POU6F2: variants seen among roughly 807,000 people sequenced by gnomAD.
POU6F2 encodes POU domain, class 6, transcription factor 2.
Under a neutral mutation model 71.3 loss-of-function variants are expected in POU6F2, and 31 were observed. The observed-to-expected ratio is 0.43, with a 90% confidence interval of 0.33 to 0.59. The LOEUF is 0.59. POU6F2 is among the 20% of genes least tolerant of loss of function. The probability of loss-of-function intolerance (pLI) is 0.04; values close to 1 mark genes in which losing one functional copy is unlikely to be tolerated. For synonymous variants in POU6F2, 347 were observed against 355.7 expected (o/e 0.98, Z 0.27); for missense variants, 783 against 856.8 (o/e 0.91, Z 1.07).
chr7:39,455,406 G>T (rs532763505), intron 8 of POU6F2, among the ~76,000 whole-genome samples: 76 of 152,198 alleles, frequency 5.0e-4, no homozygotes, highest in Non-Finnish European at 9.3e-4. Flanking sequence ...ATCCCAAAGA[G>T]GTCACCATAT....
intron 7 of POU6F2, among the ~76,000 whole-genome samples, 169 bp from the exon 8 acceptor site, chr7:39,451,364 C>CAA (rs10595595): frequency 9.0e-5 from 10 of 111,154 alleles, no homozygotes; most frequent in Admixed American, 1.9e-4. Flanking sequence ...ATGTGCTCTA[C>CAA]AAAAAAAAAA....
chr7:39,358,582 TA>T (rs1786306463), intron 5 of POU6F2, among the ~76,000 whole-genome samples: 1 of 152,236 alleles, frequency 6.6e-6, no homozygotes, highest in African/African-American at 2.4e-5. Context: ...TACTGCTCTA[TA>T]AAGTTGTAAA....
At chr7:39,048,640 A>G (rs1418058240) in intron 1 of POU6F2, among the ~76,000 whole-genome samples, 1 of 152,016 alleles carries the variant, frequency 6.6e-6, no homozygotes, top group Admixed American at 6.6e-5. Context: ...TAGTGCTGCA[A>G]TGAACATACA....
At chr7:39,214,989 G>A (rs891268922) in intron 4 of POU6F2, among the ~76,000 whole-genome samples, 21 of 152,174 alleles carry the variant, frequency 1.4e-4, no homozygotes, top group Admixed American at 1.0e-3. Context: ...ATGGATATAT[G>A]TTTGCATTTA....
At chr7:39,313,234 A>G (rs1220116993) in intron 4 of POU6F2, among the ~76,000 whole-genome samples, 2 of 151,992 alleles carry the variant, frequency 1.3e-5, no homozygotes, top group Non-Finnish European at 2.9e-5. Flanking sequence ...AGACCCATCA[A>G]CCCAACCACA....
intron 2 of POU6F2, among the ~76,000 whole-genome samples, chr7:39,200,976 A>G (rs1031543030): frequency 2.6e-5 from 4 of 152,166 alleles, no homozygotes; most frequent in African/African-American, 9.7e-5. Flanking sequence ...GCAGTGAGCA[A>G]TGGTCACACC....
chr7:39,068,507 A>ATATATATATATATATATATATATATAT (rs1554315102), intron 1 of POU6F2, among the ~76,000 whole-genome samples: 1 of 149,086 alleles, frequency 6.7e-6, no homozygotes, highest in African/African-American at 2.5e-5. Flanking sequence ...ATATATATAT[A>ATATATATATATATATATATATATATAT]ATTTTCATAA....
chr7:39,007,966 G>C (rs1789134242), intron 1 of POU6F2, among the ~76,000 whole-genome samples: 1 of 149,946 alleles, frequency 6.7e-6, no homozygotes, highest in African/African-American at 2.5e-5. Flanking sequence ...TTGCTATTGT[G>C]AATAGTGCCG....
intron 2 of POU6F2, among the ~76,000 whole-genome samples, chr7:39,109,998 C>T (rs1041320002): frequency 2.0e-5 from 3 of 152,058 alleles, no homozygotes; most frequent in Non-Finnish European, 4.4e-5. Context: ...TGGCTGGGCG[C>T]GGAGGCTCAC....
At chr7:39,144,641 G>C (rs1339727693) in intron 2 of POU6F2, among the ~76,000 whole-genome samples, 1 of 152,204 alleles carries the variant, frequency 6.6e-6, no homozygotes, top group African/African-American at 2.4e-5. Context: ...CAACACCTTT[G>C]TGAGTTTCTC....
chr7:39,330,712 G>A (rs116719948), intron 4 of POU6F2, among the ~76,000 whole-genome samples: 2 of 152,134 alleles, frequency 1.3e-5, no homozygotes, highest in Non-Finnish European at 2.9e-5. Flanking sequence ...TATTTTAATT[G>A]ACATTGAAAT....
chr7:39,127,836 A>ATTTTTTTT (rs70977460), intron 2 of POU6F2, among the ~76,000 whole-genome samples: 3 of 104,174 alleles, frequency 2.9e-5, no homozygotes, highest in Non-Finnish European at 3.8e-5. Flanking sequence ...AGCCAGTGGA[A>ATTTTTTTT]TTTTTTTTTT....
chr7:39,118,120 C>G (rs1424485535), intron 2 of POU6F2, among the ~76,000 whole-genome samples: 1 of 152,152 alleles, frequency 6.6e-6, no homozygotes, highest in African/African-American at 2.4e-5. Flanking sequence ...GGGTTCTTCT[C>G]TGGAGAAATG....
At chr7:39,434,065 A>G (rs1442936514) in intron 7 of POU6F2, among the ~76,000 whole-genome samples, 2 of 152,228 alleles carry the variant, frequency 1.3e-5, no homozygotes, top group Non-Finnish European at 2.9e-5. Context: ...GGCAGGTATC[A>G]CCACAGAGTT....
At chr7:39,040,059 AAGT>A (rs1790151276) in intron 1 of POU6F2, among the ~76,000 whole-genome samples, 2 of 46,888 alleles carry the variant, frequency 4.3e-5, no homozygotes, top group Admixed American at 3.2e-4. Context: ...TTTCCTTTTA[AAGT>A]TTATATATAT....
chr7:39,041,596 T>C (rs1344510976), intron 1 of POU6F2, among the ~76,000 whole-genome samples: 1 of 151,994 alleles, frequency 6.6e-6, no homozygotes, highest in Non-Finnish European at 1.5e-5. Flanking sequence ...TTGAATGTCT[T>C]TTTGATTTAT....
intron 5 of POU6F2, among the ~76,000 whole-genome samples, chr7:39,393,087 A>G (rs558377733): frequency 6.6e-6 from 1 of 152,296 alleles, no homozygotes; most frequent in Non-Finnish European, 1.5e-5. Context: ...ACAACAATAC[A>G]AAAACTTTTT....
At chr7:39,432,049 T>C (rs1425315468) in intron 6 of POU6F2, among the ~76,000 whole-genome samples, 1 of 152,226 alleles carries the variant, frequency 6.6e-6, no homozygotes, top group Non-Finnish European at 1.5e-5. Context: ...GTTTTAGGTT[T>C]TTACAGATTA....
At chr7:39,357,720 G>T (rs1028576413) in intron 5 of POU6F2, among the ~76,000 whole-genome samples, 8 of 152,212 alleles carry the variant, frequency 5.3e-5, no homozygotes, top group Admixed American at 3.3e-4. Flanking sequence ...TTAATAAGAA[G>T]ATGGAAAAAG....
Sources: gnomAD v4.1 joint callset for allele counts (sites outside exome capture counted in the v4.1 genomes callset) on GRCh38, gnomAD v4.1.1 for gene constraint, MANE v1.5 for transcripts, NCBI Gene and HGNC (gene_info 2026-07-23, HGNC 2026-07-21) for gene names.